NAALADL2: variants seen among roughly 807,000 people sequenced by gnomAD.
NAALADL2 encodes N-acetylated alpha-linked acidic dipeptidase like 2.
A neutral mutation model predicts 87.2 loss-of-function variants in NAALADL2; 76 were observed. The ratio of observed to expected loss-of-function variants is 0.87; its 90% CI spans 0.72 to 1.05. The LOEUF is 1.05. Ranked by LOEUF, NAALADL2 falls within the 50% of genes least tolerant of loss-of-function variation. The pLI, the probability that NAALADL2 is intolerant of heterozygous loss-of-function variation, is 0.00. For synonymous variants in NAALADL2, 354 were observed against 331.0 expected (o/e 1.07, Z -0.75); for missense variants, 1,089 against 945.8 (o/e 1.15, Z -1.99).
intron 13 of NAALADL2, among the ~76,000 whole-genome samples, chr3:175,761,732 G>T (rs192901743): frequency 2.2e-4 from 33 of 152,196 alleles, no homozygotes; most frequent in African/African-American, 6.5e-4. Flanking sequence ...GTTTGAATCC[G>T]CAGTTCCCCA....
chr3:175,239,527 T>C (rs965631665), intron 3 of NAALADL2, among the ~76,000 whole-genome samples: 6 of 152,346 alleles, frequency 3.9e-5, no homozygotes, highest in Non-Finnish European at 7.3e-5. Flanking sequence ...TCTGCCAAGT[T>C]GTTGCTGAGC....
intron 3 of NAALADL2, among the ~76,000 whole-genome samples, chr3:174,854,142 A>T (rs949717449): frequency 2.0e-5 from 3 of 152,218 alleles, no homozygotes; most frequent in African/African-American, 7.2e-5. Flanking sequence ...GTGTCCATCA[A>T]CAGATGAATG....
intron 13 of NAALADL2, among the ~76,000 whole-genome samples, chr3:175,786,283 T>A (rs1281588765): frequency 6.6e-6 from 1 of 152,162 alleles, no homozygotes; most frequent in African/African-American, 2.4e-5. Context: ...CTGGATAATA[T>A]CCTGCAAAGT....
chr3:174,836,359 G>A (rs1723325649), intron 3 of NAALADL2, among the ~76,000 whole-genome samples: 1 of 152,112 alleles, frequency 6.6e-6, no homozygotes. Context: ...TGTTTAATGG[G>A]TATAGCGTTT....
intron 2 of NAALADL2, among the ~76,000 whole-genome samples, chr3:174,659,791 G>A (rs867875873): frequency 3.9e-5 from 6 of 152,112 alleles, no homozygotes; most frequent in South Asian, 2.1e-4. Context: ...TCATGTGGTC[G>A]TTTTTTAATA....
At chr3:175,705,255 A>G (rs1169635982) in intron 11 of NAALADL2, among the ~76,000 whole-genome samples, 2 of 152,142 alleles carry the variant, frequency 1.3e-5, no homozygotes, top group Non-Finnish European at 2.9e-5. Context: ...GTAAAAAACG[A>G]CATAGGAAAT....
At chr3:174,807,763 C>T (rs1478600929) in intron 3 of NAALADL2, among the ~76,000 whole-genome samples, 3 of 152,020 alleles carry the variant, frequency 2.0e-5, no homozygotes, top group African/African-American at 7.2e-5. Flanking sequence ...TAATTTGAAA[C>T]ATCCATGTAA....
At chr3:174,802,725 A>G (rs1178858519) in intron 3 of NAALADL2, among the ~76,000 whole-genome samples, 2 of 152,190 alleles carry the variant, frequency 1.3e-5, no homozygotes, top group East Asian at 3.9e-4. Context: ...GAGTGAGAAC[A>G]TGCAGTGTTT....
intron 1 of NAALADL2, among the ~76,000 whole-genome samples, chr3:174,468,806 A>C (rs962506753): frequency 7.1e-6 from 1 of 140,632 alleles, no homozygotes; most frequent in Non-Finnish European, 1.5e-5. Context: ...CTTGTCACCC[A>C]GGCTGGAGTG....
intron 2 of NAALADL2, among the ~76,000 whole-genome samples, chr3:174,679,357 TTAA>T (rs1276863963): frequency 9.8e-5 from 15 of 152,328 alleles, no homozygotes; most frequent in African/African-American, 3.4e-4. Context: ...TATTTTATCT[TTAA>T]TTTTAGAATT....
At chr3:175,588,901 C>T (rs893798324) in intron 10 of NAALADL2, among the ~76,000 whole-genome samples, 3 of 152,148 alleles carry the variant, frequency 2.0e-5, no homozygotes, top group Non-Finnish European at 2.9e-5. Context: ...AAGCTCAAAA[C>T]GTTTACTAAT....
At chr3:175,009,347 A>G (rs912013857) in intron 1 of NAALADL2, among the ~76,000 whole-genome samples, 1 of 152,178 alleles carries the variant, frequency 6.6e-6, no homozygotes, top group African/African-American at 2.4e-5. Context: ...TGCCCAAAGG[A>G]TGAAAATGCC....
intron 5 of NAALADL2, among the ~76,000 whole-genome samples, chr3:175,433,791 C>T (rs957683354): frequency 2.0e-5 from 3 of 151,858 alleles, no homozygotes; most frequent in Non-Finnish European, 4.4e-5. Flanking sequence ...ACATTCACCA[C>T]ATTATAGAAC....
At chr3:175,189,474 T>C (rs1580849108) in intron 2 of NAALADL2, among the ~76,000 whole-genome samples, 1 of 152,178 alleles carries the variant, frequency 6.6e-6, no homozygotes, top group South Asian at 2.1e-4. Context: ...AAAAATTCTA[T>C]ATATAATCAT....
At chr3:175,684,350 C>T (rs1326287071) in intron 11 of NAALADL2, among the ~76,000 whole-genome samples, 1 of 152,106 alleles carries the variant, frequency 6.6e-6, no homozygotes, top group Admixed American at 6.6e-5. Flanking sequence ...TAATACCCTT[C>T]ACAATACAAG....
chr3:175,078,934 C>T (rs947785636), intron 1 of NAALADL2, among the ~76,000 whole-genome samples: 1 of 152,132 alleles, frequency 6.6e-6, no homozygotes, highest in Admixed American at 6.5e-5. Flanking sequence ...TTTCATTTCT[C>T]TTGGGTATAT....
At chr3:175,767,339 C>G (rs994024428) in intron 13 of NAALADL2, among the ~76,000 whole-genome samples, 1 of 152,082 alleles carries the variant, frequency 6.6e-6, no homozygotes, top group Non-Finnish European at 1.5e-5. Context: ...AAATTTAATA[C>G]ATGATTTAAT....
intron 5 of NAALADL2, among the ~76,000 whole-genome samples, chr3:175,438,528 C>A (rs1233043721): frequency 6.6e-6 from 1 of 152,118 alleles, no homozygotes; most frequent in East Asian, 1.9e-4. Flanking sequence ...ATGTTTGGGT[C>A]ATTTTCATAA....
chr3:175,130,718 A>G (rs1407417052), intron 2 of NAALADL2, among the ~76,000 whole-genome samples: 1 of 152,204 alleles, frequency 6.6e-6, no homozygotes, highest in Non-Finnish European at 1.5e-5. Context: ...CTAATTTGAC[A>G]CATGTATGTG....
Sources: allele counts gnomAD v4.1 joint callset (sites outside exome capture counted in the v4.1 genomes callset), GRCh38; gene constraint gnomAD v4.1.1; transcripts MANE v1.5; gene names NCBI Gene and HGNC (gene_info 2026-07-23, HGNC 2026-07-21).